The following EFCAB8 variants were observed in gnomAD, a reference collection of about 807,000 sequenced individuals.
The protein encoded by EFCAB8 is EF-hand calcium-binding domain-containing protein 8.
EFCAB8 carries 100 observed loss-of-function variants against 116.3 expected under a neutral mutation model. The ratio of observed to expected loss-of-function variants is 0.86; its 90% confidence interval spans 0.73 to 1.02. The LOEUF (loss-of-function observed/expected upper bound fraction) is 1.02. Ranked by LOEUF, EFCAB8 falls within the 50% of genes least tolerant of loss-of-function variation. The probability of loss-of-function intolerance (pLI) is 0.00; values close to 1 mark genes in which losing one functional copy is unlikely to be tolerated. For synonymous variants in EFCAB8, 558 were observed against 567.9 expected (o/e 0.98, Z 0.25); for missense variants, 1,320 against 1,416.9 (o/e 0.93, Z 1.10).
chr20:32,885,813 C>A (rs1284115036), intron 6 of EFCAB8, among the ~76,000 whole-genome samples, 173 bp downstream of exon 6: 1 of 152,194 alleles, frequency 6.6e-6, no homozygotes, highest in Non-Finnish European at 1.5e-5. Context: ...CCACACATTT[C>A]CCTTCTGCTA....
chr20:32,878,519 T>A (rs1737245611), intron 4 of EFCAB8, among the ~76,000 whole-genome samples, 185 bp from the exon 5 acceptor site: 1 of 149,064 alleles, frequency 6.7e-6, no homozygotes, highest in African/African-American at 2.4e-5. Context: ...TTTTTTTTTT[T>A]TTTTTTTTTG....
chr20:32,903,710 T>C (rs985477717), intron 11 of EFCAB8: 1 of 152,262 alleles, frequency 6.6e-6, no homozygotes, highest in Non-Finnish European at 1.5e-5. Context: ...AGAGGAATCC[T>C]TGTGTCTCTG....
At chr20:32,926,099 C>T (rs950197827) in intron 20 of EFCAB8, among the ~76,000 whole-genome samples, 1 of 152,204 alleles carries the variant, frequency 6.6e-6, no homozygotes, top group African/African-American at 2.4e-5. Flanking sequence ...TGCTGAAGTC[C>T]TGGGCGCTCA....
intron 7 of EFCAB8, among the ~76,000 whole-genome samples, chr20:32,891,126 T>G (rs1399317713): frequency 6.6e-6 from 1 of 152,148 alleles, no homozygotes. Context: ...TTTTTTATTT[T>G]TTTGAGACAG....
chr20:32,952,723 G>T (rs934166372), intron 23 of EFCAB8, among the ~76,000 whole-genome samples: 1 of 152,150 alleles, frequency 6.6e-6, no homozygotes, highest in African/African-American at 2.4e-5. Context: ...TCACTTGCCC[G>T]TTCATTTTCC....
intron 5 of EFCAB8, among the ~76,000 whole-genome samples, chr20:32,880,894 A>G (rs1985298094): frequency 6.7e-6 from 1 of 148,540 alleles, no homozygotes; most frequent in Admixed American, 6.8e-5. Flanking sequence ...AACTGTGGGC[A>G]AAACATATAT....
chr20:32,862,088 G>A (rs1984145106), intron 1 of EFCAB8, among the ~76,000 whole-genome samples: 1 of 150,760 alleles, frequency 6.6e-6, no homozygotes, highest in African/African-American at 2.4e-5. Flanking sequence ...CACTCCTCAA[G>A]TTTCAGTCCC....
chr20:32,917,077 A>G (rs1987221640), intron 17 of EFCAB8: 2 of 542,562 alleles, frequency 3.7e-6, no homozygotes, highest in South Asian at 2.3e-5. Context: ...GACTATCTGT[A>G]AGATTAGTTT....
In EFCAB8 at chr20:32,874,969, G is replaced by A. The variant is rs563200468; in HGVS notation, c.209-957G>A. On this transcript the variant is annotated intron_variant, in intron 3 of 26. Transcript: ENST00000400522. ...TTGCCATGTTGGTCAGGCTGGTCTC[G>A]AACTCCTAGCCTCAGGTGATCTTCC... Among the ~76,000 whole-genome samples the A allele has an allele frequency of 6.6e-5, 10 of 152,062 alleles. No homozygotes were observed. The East Asian group carries it at 1.8e-3, about 27-fold the overall frequency.
intron 23 of EFCAB8, among the ~76,000 whole-genome samples, chr20:32,955,082 A>T (rs1031764882): frequency 5.9e-5 from 9 of 152,162 alleles, no homozygotes; most frequent in African/African-American, 1.7e-4. Flanking sequence ...GGTTTTACCT[A>T]AAAAAATGCA....
chr20:32,932,634 G>A (rs1385582507), intron 22 of EFCAB8, among the ~76,000 whole-genome samples: 1 of 152,042 alleles, frequency 6.6e-6, no homozygotes, highest in African/African-American at 2.4e-5. Flanking sequence ...CACTTATACT[G>A]GTACTCATCT....
intron 5 of EFCAB8, among the ~76,000 whole-genome samples, chr20:32,883,835 C>G (rs556588938): frequency 3.9e-5 from 6 of 152,076 alleles, no homozygotes; most frequent in African/African-American, 1.4e-4. Context: ...GGACTACAGG[C>G]GTGTGCTACC....
At chr20:32,899,627 T>C (rs1406991109) in intron 11 of EFCAB8, among the ~76,000 whole-genome samples, 5 of 151,884 alleles carry the variant, frequency 3.3e-5, no homozygotes, top group Admixed American at 6.6e-5. Flanking sequence ...CAGGCTGGAG[T>C]GTAATGGTGC....
chr20:32,888,357 CT>C (rs1227120216), intron 6 of EFCAB8, among the ~76,000 whole-genome samples: 1 of 152,170 alleles, frequency 6.6e-6, no homozygotes, highest in African/African-American at 2.4e-5. Context: ...TCCCGAGTAG[CT>C]GGAATTACAG....
chr20:32,939,734 A>T (rs1228207691), intron 22 of EFCAB8, among the ~76,000 whole-genome samples: 1 of 119,274 alleles, frequency 8.4e-6, no homozygotes, highest in African/African-American at 3.3e-5. Flanking sequence ...TTGCTCTGGT[A>T]CCCAGGCTGG....
Position 32,918,583 on chromosome 20 carries a change from G to A in EFCAB8, c.2274+9G>A, listed in dbSNP as rs1003693040. ...GGCCTGTGCCCCAGCAGGTGGGAGCGAGAGCCCAACCAGAAGGCTACCCTC... is the reference window on the plus strand; with the variant it reads ...GGCCTGTGCCCCAGCAGGTGGGAGCAAGAGCCCAACCAGAAGGCTACCCTC... On this transcript the variant is annotated intron_variant, in intron 19 of 26. Coordinates refer to ENST00000400522, the MANE Select transcript of EFCAB8 (RefSeq NM_001143967.2). 1.2e-5 allele frequency: 18 copies of A among 1,551,148 alleles called. No individual in the cohort carries two copies. The Admixed American group carries it at 1.2e-4, about 10-fold the overall frequency.
At chr20:32,895,030 C>A (rs994305838) in intron 9 of EFCAB8, among the ~76,000 whole-genome samples, 1 of 152,260 alleles carries the variant, frequency 6.6e-6, no homozygotes, top group Non-Finnish European at 1.5e-5. Flanking sequence ...GCCGCCAGAT[C>A]CATCCTTGCT....
intron 5 of EFCAB8, among the ~76,000 whole-genome samples, chr20:32,883,878 A>T (rs1044677124): frequency 2.3e-4 from 35 of 151,944 alleles, no homozygotes; most frequent in Admixed American, 6.6e-5. Flanking sequence ...TTTAGTAGAG[A>T]TGGGGTTTCA....
rs1411826240 is a variant in EFCAB8, at chr20:32,920,064, A to G, written c.2275-14A>G. 1.3e-6 allele frequency: 2 copies of G among 1,551,734 alleles called. No individual in the cohort carries two copies. The highest frequency in any genetic ancestry group is 2.0e-5 in the Admixed American group (1 of 51,000). On this transcript the variant is annotated splice_polypyrimidine_tract_variant and intron_variant, in intron 19 of 26. Coordinates refer to ENST00000400522, the MANE Select transcript of EFCAB8 (RefSeq NM_001143967.2). Reference sequence around the variant, plus strand: ...CACCCTCATGGTGACTTGGGTGCCCATCTTTCTTTCCAGAAACCTTCCAGT... The same window carrying G: ...CACCCTCATGGTGACTTGGGTGCCCGTCTTTCTTTCCAGAAACCTTCCAGT...
Sources: gnomAD v4.1 joint callset for allele counts (sites outside exome capture counted in the v4.1 genomes callset) on GRCh38, gnomAD v4.1.1 for gene constraint, MANE v1.5 for transcripts, NCBI Gene and HGNC (gene_info 2026-07-23, HGNC 2026-07-21) for gene names.